Variants in TRIM55 observed in about 807,000 individuals in gnomAD.
TRIM55 encodes tripartite motif-containing protein 55.
TRIM55 carries 50 observed loss-of-function variants against 60.9 expected under a neutral mutation model. The observed-to-expected ratio is 0.82, with a 90% confidence interval of 0.65 to 1.04. The LOEUF (loss-of-function observed/expected upper bound fraction) is 1.04, where lower values mean the gene tolerates loss of function less well. Among genes scored for constraint, TRIM55 ranks in the 50% least tolerant of loss-of-function variants. The pLI, the probability that TRIM55 is intolerant of heterozygous loss-of-function variation, is 0.00. For missense variants in TRIM55, 681 were observed against 666.9 expected (o/e 1.02, Z -0.23); for synonymous variants, 237 against 238.1 (o/e 1.00, Z 0.04).
intron 3 of TRIM55, among the ~76,000 whole-genome samples, chr8:66,136,105 CACA>C (rs776243400): frequency 6.6e-6 from 1 of 152,192 alleles, no homozygotes; most frequent in South Asian, 2.1e-4. Flanking sequence ...GCAAATTATC[CACA>C]ACATTTGTTT....
At chr8:66,152,915 G>C (rs1176882081) in intron 8 of TRIM55, among the ~76,000 whole-genome samples, 1 of 142,290 alleles carries the variant, frequency 7.0e-6, no homozygotes, top group Non-Finnish European at 1.5e-5. Context: ...GTGTGTGTGT[G>C]TGTGTGTGTG....
chr8:66,168,512 A>G (rs1811446537), intron 9 of TRIM55, among the ~76,000 whole-genome samples: 1 of 152,232 alleles, frequency 6.6e-6, no homozygotes, highest in African/African-American at 2.4e-5. Flanking sequence ...TCTCTGACCC[A>G]GCCTAGCAGG....
intron 9 of TRIM55, among the ~76,000 whole-genome samples, chr8:66,161,295 CTTTATG>C (rs1811036539): frequency 6.6e-6 from 1 of 151,994 alleles, no homozygotes; most frequent in African/African-American, 2.4e-5. Context: ...CCTTTCCCCA[CTTTATG>C]TTTTTGTTTG....
In TRIM55 at chr8:66,153,020, G is replaced by T. The variant is rs1313527222; in HGVS notation, c.1236+393G>T. 2.0e-5 allele frequency among the ~76,000 whole-genome samples: 3 copies of T among 151,936 alleles called. No individual in the cohort carries two copies. The East Asian group carries it at 5.8e-4, about 29-fold the overall frequency. On this transcript the variant is annotated intron_variant, in intron 8 of 9. Coordinates refer to ENST00000315962, the MANE Select transcript of TRIM55 (RefSeq NM_184085.2). ...CTGGGTCTGCTCTTTGTTACTTAGTGAATGTATATGTAGGGTATAGGATGA... is the reference window on the plus strand; with the variant it reads ...CTGGGTCTGCTCTTTGTTACTTAGTTAATGTATATGTAGGGTATAGGATGA...
chr8:66,134,935 G>A (rs1809388010), intron 2 of TRIM55, 55 bp from the exon 3 acceptor site: 1 of 1,586,500 alleles, frequency 6.3e-7, no homozygotes, highest in Non-Finnish European at 8.6e-7. Context: ...GCTCTGCCTT[G>A]ATGAGATTGC....
At chr8:66,150,024 T>G (rs1306051128) in intron 5 of TRIM55, 146 bp downstream of exon 5, 1 of 913,368 alleles carries the variant, frequency 1.1e-6, no homozygotes. Flanking sequence ...TATATTAATC[T>G]ATTTAAACAA....
intron 4 of TRIM55, among the ~76,000 whole-genome samples, chr8:66,137,774 A>AG (rs1279066603): frequency 1.3e-5 from 2 of 152,088 alleles, no homozygotes; most frequent in East Asian, 3.9e-4. Flanking sequence ...AAAAAAAAAA[A>AG]AAAATCTTGC....
intron 2 of TRIM55, 76 bp downstream of exon 2, chr8:66,128,552 A>G (rs1054021575): frequency 4.1e-6 from 6 of 1,457,096 alleles, no homozygotes; most frequent in Non-Finnish European, 5.6e-6. Flanking sequence ...ATGGGTTGCT[A>G]CGCTGAATGC....
intron 4 of TRIM55, among the ~76,000 whole-genome samples, chr8:66,147,553 T>G (rs1038676186): frequency 6.6e-6 from 1 of 151,996 alleles, no homozygotes; most frequent in African/African-American, 2.4e-5. Context: ...TCCCAGCACT[T>G]TGGGAGGCCG....
upstream of TRIM55, among the ~76,000 whole-genome samples, chr8:66,123,797 T>G (rs1189289926): frequency 2.0e-5 from 3 of 152,170 alleles, no homozygotes; most frequent in Non-Finnish European, 4.4e-5. Flanking sequence ...ATTTGAGGTT[T>G]CAGTGAGCTA....
At chr8:66,139,541 T>C (rs979275700) in intron 4 of TRIM55, among the ~76,000 whole-genome samples, 1 of 152,176 alleles carries the variant, frequency 6.6e-6, no homozygotes, top group African/African-American at 2.4e-5. Flanking sequence ...GGTTTGAAGT[T>C]AAATCAGCAG....
chr8:66,137,018 A>G (rs898752793), intron 3 of TRIM55, 77 bp from the exon 4 acceptor site: 1 of 1,239,654 alleles, frequency 8.1e-7, no homozygotes, highest in South Asian at 1.4e-5. Context: ...ACCTGTAAAG[A>G]CAATATTATG....
At chr8:66,169,563 G>A (rs370705984) in intron 9 of TRIM55, among the ~76,000 whole-genome samples, 7 of 152,098 alleles carry the variant, frequency 4.6e-5, no homozygotes, top group African/African-American at 7.2e-5. Context: ...TTTAGGAGCC[G>A]AGAAGGTAAC....
rs1368385423 is a variant in TRIM55 at position 66,174,508 on chromosome 8, C to T, written c.1562C>T (p.Ala521Val). 1.9e-6 allele frequency: 3 copies of T among 1,612,098 alleles called. No homozygotes were observed. The East Asian group carries it at 6.7e-5, about 36-fold the overall frequency. The change falls in exon 10 of 10, where the codon GCA (alanine) becomes GTA (valine). Residue 521 changes from alanine (A) to valine (V), a missense_variant. Transcript: ENST00000315962. ...GCTCCTCCCCTCCAGGGACAGGCTG[C>T]AGCTCCAGCGAGTGGCAGTGGAGCT... The part of the protein sequence containing the change: ...FEAPPLQGQA[A>V]APASGSGADS...
rs772620946 is a variant in TRIM55 at position 66,137,124 on chromosome 8, C to T, written c.537C>T (p.Leu179=). The T allele has an allele frequency of 9.0e-5, 145 of 1,614,074 alleles. No homozygotes were observed. Among genetic ancestry groups the T allele is most frequent in the Non-Finnish European group, 1.1e-4 (130 of 1,179,994 alleles). ...AGCTCAGTGATGGCATCGCCATCCTCGTGGGCAGCAACGATCGAGTCCAGG... is the reference window on the plus strand; with the variant it reads ...AGCTCAGTGATGGCATCGCCATCCTTGTGGGCAGCAACGATCGAGTCCAGG... The part of the protein sequence containing the change: ...KSELSDGIAI[L]VGSNDRVQGV... Residue 179 remains leucine, a synonymous_variant, in exon 4 of 10, where the codon CTC becomes CTT. Transcript: ENST00000315962.
At chr8:66,130,568 G>C (rs185623910) in intron 2 of TRIM55, among the ~76,000 whole-genome samples, 1 of 150,314 alleles carries the variant, frequency 6.7e-6, no homozygotes, top group Non-Finnish European at 1.5e-5. Context: ...GGGTCGGGGG[G>C]GGTGACCAAT....
intron 4 of TRIM55, among the ~76,000 whole-genome samples, chr8:66,144,094 A>G (rs988526412): frequency 6.6e-6 from 1 of 152,208 alleles, no homozygotes; most frequent in African/African-American, 2.4e-5. Context: ...GGTGGCTAGA[A>G]ATTGGAGTCT....
intron 9 of TRIM55, among the ~76,000 whole-genome samples, chr8:66,172,802 C>A (rs1021364724): frequency 6.6e-6 from 1 of 152,182 alleles, no homozygotes; most frequent in Non-Finnish European, 1.5e-5. Flanking sequence ...GAAAAAGAGG[C>A]CACAAAATGG....
chr8:66,142,118 G>A (rs981285791), intron 4 of TRIM55, among the ~76,000 whole-genome samples: 10 of 152,162 alleles, frequency 6.6e-5, no homozygotes, highest in African/African-American at 1.9e-4. Context: ...TCATGATGAC[G>A]AAGTTGAAAT....
Sources: gnomAD v4.1 joint callset for allele counts (sites outside exome capture counted in the v4.1 genomes callset) on GRCh38, gnomAD v4.1.1 for gene constraint, MANE v1.5 for transcripts, NCBI Gene and HGNC (gene_info 2026-07-23, HGNC 2026-07-21) for gene names.